The following SHCBP1L variants were observed in gnomAD, a reference collection of about 807,000 sequenced individuals.
SHCBP1L encodes testicular spindle-associated protein SHCBP1L.
SHCBP1L carries 67 observed loss-of-function variants against 62.5 expected under a neutral mutation model. The observed-to-expected ratio is 1.07, with a 90% confidence interval of 0.88 to 1.31. The LOEUF (loss-of-function observed/expected upper bound fraction) is 1.31, where lower values mean the gene tolerates loss of function less well. Among genes scored for constraint, SHCBP1L ranks in the 40% most tolerant of loss-of-function variants. SHCBP1L has a pLI of 0.00. For missense variants in SHCBP1L, 823 were observed against 809.8 expected (o/e 1.02, Z -0.20); for synonymous variants, 284 against 289.4 (o/e 0.98, Z 0.19).
intron 2 of SHCBP1L, among the ~76,000 whole-genome samples, chr1:182,949,853 G>T (rs1651690565): frequency 1.4e-5 from 2 of 147,814 alleles, no homozygotes; most frequent in Non-Finnish European, 3.0e-5. Context: ...TTGAGATGGG[G>T]CCTCACTATG....
intron 2 of SHCBP1L, among the ~76,000 whole-genome samples, chr1:182,945,932 T>C (rs1441861547): frequency 1.3e-5 from 2 of 152,032 alleles, no homozygotes; most frequent in Non-Finnish European, 2.9e-5. Context: ...TGGTGGCGCA[T>C]GCCTGCAGTC....
chr1:182,913,286 TG>T (rs1269959777), intron 6 of SHCBP1L, among the ~76,000 whole-genome samples: 1 of 152,124 alleles, frequency 6.6e-6, no homozygotes, highest in Non-Finnish European at 1.5e-5. Context: ...GGCCTAGACT[TG>T]TGACTGGTGT....
chr1:182,916,669 G>C (rs1032676654), intron 6 of SHCBP1L, among the ~76,000 whole-genome samples: 1 of 152,018 alleles, frequency 6.6e-6, no homozygotes, highest in Non-Finnish European at 1.5e-5. Flanking sequence ...GAAACACACA[G>C]TTTACCAAAA....
At chr1:182,945,130 T>C (rs1038975697) in intron 2 of SHCBP1L, among the ~76,000 whole-genome samples, 1 of 151,978 alleles carries the variant, frequency 6.6e-6, no homozygotes, top group African/African-American at 2.4e-5. Flanking sequence ...CATCCGGCTA[T>C]TTTTTGTATT....
intron 7 of SHCBP1L, 104 bp from the exon 8 acceptor site, chr1:182,904,534 CGTGTGTGTGTGTGTGTGTGT>C (rs61031217): frequency 1.3e-5 from 8 of 599,802 alleles, no homozygotes; most frequent in South Asian, 2.1e-5. Flanking sequence ...TCCCTGTGTG[CGTGTGTGTGTGTGTGTGTGT>C]GTGTGTGTGT....
intron 5 of SHCBP1L, among the ~76,000 whole-genome samples, chr1:182,931,744 C>T (rs1272105713): frequency 6.6e-6 from 1 of 152,104 alleles, no homozygotes; most frequent in Non-Finnish European, 1.5e-5. Flanking sequence ...CTCGTTACAA[C>T]CGATGAACCT....
At chr1:182,927,050 CTATATA>C (rs58308065) in intron 6 of SHCBP1L, among the ~76,000 whole-genome samples, 30 of 90,560 alleles carry the variant, frequency 3.3e-4, no homozygotes, top group Non-Finnish European at 3.8e-4. Context: ...TTAACTAGCA[CTATATA>C]TATATATATA....
chr1:182,907,553 TTTCTTA>T (rs1203331458), intron 6 of SHCBP1L, among the ~76,000 whole-genome samples: 3 of 150,766 alleles, frequency 2.0e-5, no homozygotes, highest in African/African-American at 4.9e-5. Flanking sequence ...TGCATATATC[TTTCTTA>T]TTCTTATTAT....
intron 6 of SHCBP1L, among the ~76,000 whole-genome samples, chr1:182,910,967 G>A (rs796949912): frequency 2.8e-4 from 42 of 152,108 alleles, no homozygotes; most frequent in African/African-American, 1.0e-3. Context: ...TTGGCTCACT[G>A]CAGCCTCTTC....
At chr1:182,905,734 C>T in intron 6 of SHCBP1L, 85 bp from the exon 7 acceptor site, 1 of 1,312,886 alleles carries the variant, frequency 7.6e-7, no homozygotes, top group Non-Finnish European at 1.0e-6. Flanking sequence ...TGGACAAGTA[C>T]TTTTCCCAAA....
At chr1:182,928,627 A>G (rs546409009) in intron 6 of SHCBP1L, among the ~76,000 whole-genome samples, 9 of 152,284 alleles carry the variant, frequency 5.9e-5, no homozygotes, top group African/African-American at 2.2e-4. Context: ...AGTGTGTATG[A>G]AAGTGATGAG....
intron 2 of SHCBP1L, chr1:182,942,326 G>A (rs758546713): frequency 5.4e-5 from 44 of 822,210 alleles, no homozygotes; most frequent in Non-Finnish European, 6.6e-5. Flanking sequence ...AGGAGGCTTA[G>A]CTGACAACCG....
intron 6 of SHCBP1L, among the ~76,000 whole-genome samples, chr1:182,925,321 C>G (rs911834635): frequency 2.0e-5 from 3 of 151,976 alleles, no homozygotes; most frequent in African/African-American, 4.8e-5. Context: ...ATAAATAACT[C>G]TTATAGTCAA....
At chr1:182,952,191 AATATAT>A (rs869051143) in intron 1 of SHCBP1L, among the ~76,000 whole-genome samples, 969 of 24,158 alleles carry the variant, frequency 0.04, 33 homozygotes, top group Non-Finnish European at 0.055. Flanking sequence ...AAAAAAAAAA[AATATAT>A]ATATATATAT....
In SHCBP1L at chr1:182,948,097, T is replaced by A. The variant is rs545225970; in HGVS notation, c.555+3221A>T. On this transcript the variant is annotated intron_variant, in intron 2 of 9. Transcript: ENST00000367547. Reference sequence around the variant, plus strand: ...CAACTGTATACGATATCAGCAAGGCTTCCAGTCAACAGTAGGCTATTAGTT... The same window carrying A: ...CAACTGTATACGATATCAGCAAGGCATCCAGTCAACAGTAGGCTATTAGTT... 7.9e-5 allele frequency among the ~76,000 whole-genome samples: 12 copies of A among 152,354 alleles called. No individual in the cohort carries two copies. The South Asian group carries it at 2.5e-3, about 32-fold the overall frequency.
At chr1:182,922,733 C>T (rs1650563790) in intron 6 of SHCBP1L, among the ~76,000 whole-genome samples, 1 of 152,084 alleles carries the variant, frequency 6.6e-6, no homozygotes, top group African/African-American at 2.4e-5. Context: ...ATACCAGAAA[C>T]TCTGAGACAC....
At position 182,924,974 on chromosome 1, in the gene SHCBP1L, G is replaced by GAAAGA. The variant is rs1344712194; in HGVS notation, c.1182+4672_1182+4673insTCTTT. Among the ~76,000 whole-genome samples the GAAAGA allele has an allele frequency of 4.0e-3, 433 of 109,454 alleles. 10 individuals carry two copies. Among genetic ancestry groups the GAAAGA allele is most frequent in the African/African-American group, 0.015 (380 of 26,088 alleles). 71.8% of individuals were successfully genotyped at this position (109,454 alleles called of 152,430 possible). On this transcript the variant is annotated intron_variant, in intron 6 of 9. Transcript: ENST00000367547. ...AGAAAGAAAGAAAGAAAGAAAGAAA[G>GAAAGA]AAAAAAAAAGGAAGAAGGAAAGGAA...
At chr1:182,931,236 A>G (rs537291996) in intron 5 of SHCBP1L, among the ~76,000 whole-genome samples, 2 of 151,304 alleles carry the variant, frequency 1.3e-5, no homozygotes, top group East Asian at 3.9e-4. Flanking sequence ...GAAACAGGGA[A>G]CCATTCATAC....
At chr1:182,917,885 A>G (rs567101541) in intron 6 of SHCBP1L, among the ~76,000 whole-genome samples, 1 of 152,150 alleles carries the variant, frequency 6.6e-6, no homozygotes, top group African/African-American at 2.4e-5. Context: ...TCTGCCAATA[A>G]CACCCCAAAG....
Sources: allele counts gnomAD v4.1 joint callset (sites outside exome capture counted in the v4.1 genomes callset), GRCh38; gene constraint gnomAD v4.1.1; transcripts MANE v1.5; gene names NCBI Gene and HGNC (gene_info 2026-07-23, HGNC 2026-07-21).